The following ISL1 variants were observed in gnomAD, a reference collection of about 807,000 sequenced individuals.
ISL1 encodes insulin gene enhancer protein ISL-1.
In ISL1, 4 loss-of-function variants were observed where a neutral mutation model predicts 35.3. That is an observed-to-expected ratio of 0.11 (90% CI 0.06 to 0.26). The LOEUF (loss-of-function observed/expected upper bound fraction) is 0.26. Among genes scored for constraint, ISL1 ranks in the 10% least tolerant of loss-of-function variants. The probability of loss-of-function intolerance (pLI) is 1.00; values close to 1 mark genes in which losing one functional copy is unlikely to be tolerated. For missense variants in ISL1, 340 were observed against 472.8 expected (o/e 0.72, Z 2.60); for synonymous variants, 186 against 172.3 (o/e 1.08, Z -0.62).
At chr5:51,388,410 A>G (rs1287638670) in intron 3 of ISL1, among the ~76,000 whole-genome samples, 4 of 152,180 alleles carry the variant, frequency 2.6e-5, no homozygotes, top group Non-Finnish European at 4.4e-5. Flanking sequence ...TTCATTCTAT[A>G]TGATTTGGTG....
intron 4 of ISL1, 82 bp downstream of exon 4, chr5:51,390,014 GCACGGTTT>G: frequency 6.7e-7 from 1 of 1,494,752 alleles, no homozygotes; most frequent in Non-Finnish European, 9.1e-7. Flanking sequence ...ACGCAGGATC[GCACGGTTT>G]TCAATCCTGC....
At chr5:51,384,918 AAAAC>A (rs1345278300) in intron 2 of ISL1, among the ~76,000 whole-genome samples, 188 bp downstream of exon 2, 2 of 152,212 alleles carry the variant, frequency 1.3e-5, no homozygotes, top group Non-Finnish European at 2.9e-5. Flanking sequence ...TTAGTTGAGA[AAAAC>A]AAAAACCCTT....
At chr5:51,384,435 G>T in intron 1 of ISL1, 106 bp from the exon 2 acceptor site, 17 of 889,364 alleles carry the variant, frequency 1.9e-5, no homozygotes, top group Non-Finnish European at 2.7e-5. Flanking sequence ...AAGAAAGAAA[G>T]AAAAAAACCT....
At chr5:51,390,890 C>G (rs1747498043) in intron 4 of ISL1, among the ~76,000 whole-genome samples, 1 of 151,506 alleles carries the variant, frequency 6.6e-6, no homozygotes, top group Non-Finnish European at 1.5e-5. Context: ...ACTGAAACTG[C>G]TCAGAAAACC....
In ISL1 at chr5:51,393,607, A is replaced by G. The variant is rs1438028108; in HGVS notation, c.1047A>G (p.Ala349=). The G allele has an allele frequency of 1.9e-6, 3 of 1,555,012 alleles. No homozygotes were observed. Among genetic ancestry groups the G allele is most frequent in the African/African-American group, 1.4e-5 (1 of 73,830 alleles). The change falls in exon 6 of 6, where the codon GCA becomes GCG. Residue 349 remains alanine, a synonymous_variant. Coordinates refer to ENST00000230658, the MANE Select transcript of ISL1 (RefSeq NM_002202.3). ...GCATGGTAGCCAGTCCTATTGAGGC[A>G]TGAGGAACATTCATTCTGTATTTTT... is the stretch of plus-strand genomic sequence containing the variant. The part of the protein sequence containing the change: ...PNSMVASPIE[A]
chr5:51,383,786 C>G, intron 1 of ISL1, 87 bp downstream of exon 1: 1 of 1,177,192 alleles, frequency 8.5e-7, no homozygotes, highest in Non-Finnish European at 1.3e-6. Flanking sequence ...GCCAAGGGCT[C>G]TTTGGAGTTG....
intron 5 of ISL1, among the ~76,000 whole-genome samples, chr5:51,392,445 G>A (rs1320423617): frequency 1.3e-5 from 2 of 152,078 alleles, no homozygotes; most frequent in African/African-American, 2.4e-5. Context: ...TTTACCTGGA[G>A]GGCATTTGCT....
At position 51,387,407 on chromosome 5, in the gene ISL1, G is replaced by A. The variant is rs1747370185; in HGVS notation, c.219-83G>A. The A allele has an allele frequency of 2.7e-6, 4 of 1,485,148 alleles. No homozygotes were observed. Among genetic ancestry groups the A allele is most frequent in the South Asian group, 2.4e-5 (2 of 84,324 alleles). The allele number at this position is 1,485,148 out of a possible 1,614,324, so 92.0% of individuals were successfully genotyped here. A position where few individuals can be genotyped will look rare whatever the true frequency, so the allele number is the denominator to read the frequency against. On this transcript the variant is annotated intron_variant, in intron 2 of 5. Transcript: ENST00000230658. The surrounding 1 kb of genome is among the most constrained non-coding windows in gnomAD (Gnocchi z 4.3). ...GTCTTGCCCGGGATCTTGGGCCAGG[G>A]AAGTGCCGGCCTGAAGTGACCCCCT... is the stretch of plus-strand genomic sequence containing the variant.
At position 51,390,636 on chromosome 5, in the gene ISL1, C is replaced by CCTTTTTTTT. The variant is rs1747475980; in HGVS notation, c.766-638_766-637insCTTTTTTTT. 1.9e-4 allele frequency among the ~76,000 whole-genome samples: 14 copies of CCTTTTTTTT among 74,324 alleles called. 1 individual carries two copies. The highest frequency in any genetic ancestry group is 5.9e-4 in the African/African-American group (14 of 23,668). The allele number at this position is 74,324 out of a possible 152,430, so 48.8% of individuals were successfully genotyped here. ...TTTTCTTCCTTTTTTTCTTTTCTTT[C>CCTTTTTTTT]TTTTTCTTTTTTTTTTTTTTTTTTT... On this transcript the variant is annotated intron_variant, in intron 4 of 5. Transcript: ENST00000230658.
intron 5 of ISL1, among the ~76,000 whole-genome samples, chr5:51,392,307 AT>A (rs202082584): frequency 1.3e-5 from 2 of 151,926 alleles, no homozygotes. Flanking sequence ...TATATAGATG[AT>A]TTTTTTTTCT....
At chr5:51,392,979 C>T (rs1377762326) in intron 5 of ISL1, among the ~76,000 whole-genome samples, 3 of 152,104 alleles carry the variant, frequency 2.0e-5, no homozygotes, top group African/African-American at 7.2e-5. Context: ...GGCAGCAGGA[C>T]CAACAAGGAA....
At chr5:51,384,246 G>A (rs912082191) in intron 1 of ISL1, among the ~76,000 whole-genome samples, 1 of 146,748 alleles carries the variant, frequency 6.8e-6, no homozygotes, top group Non-Finnish European at 1.5e-5. Context: ...AAGAGGAAGG[G>A]GGGGGGGAGA....
intron 1 of ISL1, 118 bp from the exon 2 acceptor site, chr5:51,384,420 AAAG>A: frequency 2.5e-6 from 2 of 812,672 alleles, no homozygotes; most frequent in African/African-American, 2.1e-5. Flanking sequence ...AAAAAAAAAG[AAAG>A]AAAGAAAGAA....
At chr5:51,383,851 T>G (rs1204483290) in intron 1 of ISL1, 152 bp downstream of exon 1, 3 of 733,234 alleles carry the variant, frequency 4.1e-6, no homozygotes, top group Non-Finnish European at 7.5e-6. Flanking sequence ...CCGCCACGCC[T>G]GCATGCTTAC....
chr5:51,394,630 GTCTTTT>G lies in ISL1; in HGVS notation c.*1025_*1030del, dbSNP rs1747596229. 1 of 152,350 alleles carries G rather than the reference GTCTTTT, an allele frequency of 6.6e-6. No homozygotes were observed. The allele number at this position is 152,350 out of a possible 1,614,324, so 9.4% of individuals were successfully genotyped here. A position where few individuals can be genotyped will look rare whatever the true frequency, so the allele number is the denominator to read the frequency against. On this transcript the variant is annotated 3_prime_UTR_variant, in exon 6 of 6. Coordinates refer to ENST00000230658, the MANE Select transcript of ISL1 (RefSeq NM_002202.3). ...TTATATGTCTAATTCTATGTGTTTT[GTCTTTT>G]TCTTAAATATTATGTGAAATCAAAG...
intron 2 of ISL1, among the ~76,000 whole-genome samples, chr5:51,385,306 T>G (rs1221153339): frequency 1.3e-5 from 2 of 152,184 alleles, no homozygotes; most frequent in African/African-American, 4.8e-5. Context: ...AAATATTCCT[T>G]GGAAAAAACA....
At chr5:51,384,815 CT>C (rs1337984057) in intron 2 of ISL1, 85 bp downstream of exon 2, 19 of 1,360,476 alleles carry the variant, frequency 1.4e-5, no homozygotes, top group Non-Finnish European at 1.5e-5. Flanking sequence ...GTGGCTTTGT[CT>C]TTTTGTGAAG....
chr5:51,385,022 C>T (rs1747309837), intron 2 of ISL1, among the ~76,000 whole-genome samples: 1 of 152,164 alleles, frequency 6.6e-6, no homozygotes, highest in African/African-American at 2.4e-5. Flanking sequence ...CTTTCACCCT[C>T]CCCCTTACAA....
chr5:51,384,872 G>C (rs1747306064), intron 2 of ISL1, 142 bp downstream of exon 2: 1 of 785,696 alleles, frequency 1.3e-6, no homozygotes, highest in South Asian at 1.4e-5. Flanking sequence ...CTGTACATGT[G>C]TTAAAAAAAT....
Sources: gnomAD v4.1 joint callset for allele counts (sites outside exome capture counted in the v4.1 genomes callset) on GRCh38, gnomAD v4.1.1 for gene constraint, Gnocchi (gnomAD v3.1) non-coding constraint, MANE v1.5 for transcripts, NCBI Gene and HGNC (gene_info 2026-07-23, HGNC 2026-07-21) for gene names.